PTPRM: variants seen among roughly 807,000 people sequenced by gnomAD.
PTPRM encodes the protein receptor-type tyrosine-protein phosphatase mu.
In PTPRM, 47 loss-of-function variants were observed where a neutral mutation model predicts 186.7. The ratio of observed to expected loss-of-function variants is 0.25; its 90% CI spans 0.20 to 0.32. PTPRM has a LOEUF of 0.32. PTPRM is among the 10% of genes least tolerant of loss of function. The probability of loss-of-function intolerance (pLI) is 1.00; values close to 1 mark genes in which losing one functional copy is unlikely to be tolerated. For synonymous variants in PTPRM, 668 were observed against 674.9 expected (o/e 0.99, Z 0.16); for missense variants, 1,494 against 1,865.0 (o/e 0.80, Z 3.66).
chr18:8,345,781 G>T (rs1326855354), intron 23 of PTPRM, among the ~76,000 whole-genome samples: 1 of 151,888 alleles, frequency 6.6e-6, no homozygotes, highest in Non-Finnish European at 1.5e-5. Flanking sequence ...ATCAAAACCA[G>T]ACAAGACTAC....
intron 14 of PTPRM, among the ~76,000 whole-genome samples, chr18:8,179,243 CA>C (rs1840151475): frequency 6.6e-6 from 1 of 152,148 alleles, no homozygotes; most frequent in Non-Finnish European, 1.5e-5. Flanking sequence ...TAAGAATACA[CA>C]AAAATAGTTT....
chr18:7,678,929 A>C (rs2144554580), intron 1 of PTPRM, among the ~76,000 whole-genome samples: 1 of 152,302 alleles, frequency 6.6e-6, no homozygotes, highest in South Asian at 2.1e-4. Flanking sequence ...TTCTGAGTCA[A>C]AGTGAATGTG....
At chr18:8,133,662 GA>G (rs2092568725) in intron 13 of PTPRM, among the ~76,000 whole-genome samples, 1 of 152,062 alleles carries the variant, frequency 6.6e-6, no homozygotes, top group African/African-American at 2.4e-5. Flanking sequence ...AAGGCCTTGG[GA>G]AGGGAAATAT....
At chr18:7,623,785 C>T (rs2144000633) in intron 1 of PTPRM, among the ~76,000 whole-genome samples, 1 of 152,108 alleles carries the variant, frequency 6.6e-6, no homozygotes, top group South Asian at 2.1e-4. Context: ...CTTTACTTAC[C>T]CCCAGAACAA....
At chr18:7,915,289 G>T (rs1044446035) in intron 4 of PTPRM, among the ~76,000 whole-genome samples, 1 of 152,150 alleles carries the variant, frequency 6.6e-6, no homozygotes, top group Non-Finnish European at 1.5e-5. Flanking sequence ...GGTTTTAGAA[G>T]AAAGCTGGCA....
chr18:8,257,327 G>A lies in PTPRM; in HGVS notation c.2754+3913G>A, dbSNP rs149224369. On this transcript the variant is annotated intron_variant, in intron 19 of 32. Coordinates refer to ENST00000580170, the MANE Select transcript of PTPRM (RefSeq NM_001105244.2). ...GGTCTGTGGGATGAGGGTGGTCAGG[G>A]CTCCAATCACCAAAAGCACCTCCTG... Among the ~76,000 whole-genome samples the A allele has an allele frequency of 7.9e-5, 12 of 152,248 alleles. No homozygotes were observed. In the East Asian group the frequency reaches 2.3e-3, roughly 29 times the overall value.
At chr18:7,965,926 C>T (rs1402838966) in intron 7 of PTPRM, among the ~76,000 whole-genome samples, 1 of 152,160 alleles carries the variant, frequency 6.6e-6, no homozygotes, top group African/African-American at 2.4e-5. Context: ...CCAACTTCAT[C>T]TGTAAGGATA....
intron 5 of PTPRM, among the ~76,000 whole-genome samples, chr18:7,935,934 G>A (rs1422402689): frequency 6.6e-6 from 1 of 152,192 alleles, no homozygotes; most frequent in African/African-American, 2.4e-5. Flanking sequence ...CTAATCTTAA[G>A]GTCTGCTTCC....
At chr18:7,769,227 A>G (rs577244330) in intron 1 of PTPRM, among the ~76,000 whole-genome samples, 1 of 152,168 alleles carries the variant, frequency 6.6e-6, no homozygotes, top group South Asian at 2.1e-4. Context: ...GGGAGATACT[A>G]TCCTGTAGTG....
chr18:8,314,933 T>TA, intron 21 of PTPRM, 76 bp downstream of exon 21: 6 of 897,586 alleles, frequency 6.7e-6, no homozygotes, highest in Non-Finnish European at 8.6e-6. Flanking sequence ...TTTTGATACA[T>TA]GTATACAATG....
chr18:8,248,504 T>C lies in PTPRM; in HGVS notation c.2554+328T>C, dbSNP rs141142214. 1.6e-3 allele frequency among the ~76,000 whole-genome samples: 246 copies of C among 152,324 alleles called. 2 individuals are homozygous for C. Among genetic ancestry groups the C allele is most frequent in the African/African-American group, 5.7e-3 (238 of 41,566 alleles). ...GGGGAAAAAAACAAGGTGTCATCAC[T>C]CAGCTGTGTACTTTCCAAGAGCTGA... On this transcript the variant is annotated intron_variant, in intron 17 of 32. Coordinates refer to ENST00000580170, the MANE Select transcript of PTPRM (RefSeq NM_001105244.2).
At chr18:8,272,209 A>T (rs1366446970) in intron 19 of PTPRM, among the ~76,000 whole-genome samples, 3 of 117,828 alleles carry the variant, frequency 2.5e-5, no homozygotes, top group African/African-American at 6.3e-5. Flanking sequence ...CTGCCTCAAT[A>T]AAAAAAAAAA....
intron 23 of PTPRM, among the ~76,000 whole-genome samples, chr18:8,363,953 C>T (rs771625946): frequency 3.3e-5 from 5 of 152,052 alleles, no homozygotes; most frequent in East Asian, 1.9e-4. Context: ...ACAACATTAA[C>T]GAATAGATGC....
At chr18:7,737,361 C>T (rs961079415) in intron 1 of PTPRM, among the ~76,000 whole-genome samples, 17 of 152,192 alleles carry the variant, frequency 1.1e-4, no homozygotes, top group African/African-American at 4.1e-4. Context: ...TCCCAAAGTG[C>T]TGGGATTACA....
chr18:8,282,699 T>C (rs959234636), intron 19 of PTPRM, among the ~76,000 whole-genome samples: 7 of 152,090 alleles, frequency 4.6e-5, no homozygotes, highest in Admixed American at 6.5e-5. Context: ...ACAACAGATT[T>C]ACTACATGAC....
chr18:7,979,297 A>G (rs1409855036), intron 7 of PTPRM, among the ~76,000 whole-genome samples: 4 of 152,218 alleles, frequency 2.6e-5, no homozygotes, highest in Non-Finnish European at 5.9e-5. Context: ...TTCCAAAGAC[A>G]TCAACAATAT....
intron 1 of PTPRM, among the ~76,000 whole-genome samples, chr18:7,611,566 C>G (rs1468902092): frequency 6.6e-6 from 1 of 152,210 alleles, no homozygotes; most frequent in African/African-American, 2.4e-5. Flanking sequence ...ATAGGCCATA[C>G]CAGCCTAGGG....
chr18:8,337,582 G>T (rs1458505863), intron 22 of PTPRM, among the ~76,000 whole-genome samples: 1 of 152,204 alleles, frequency 6.6e-6, no homozygotes, highest in Non-Finnish European at 1.5e-5. Context: ...TAGGCATGAG[G>T]CCACGTTAGG....
At chr18:7,674,773 A>C (rs545287366) in intron 1 of PTPRM, among the ~76,000 whole-genome samples, 72 of 152,336 alleles carry the variant, frequency 4.7e-4, no homozygotes, top group African/African-American at 1.5e-3. Flanking sequence ...AAATAAAATC[A>C]ATTAGTTAAT....
Sources: allele counts gnomAD v4.1 joint callset (sites outside exome capture counted in the v4.1 genomes callset), GRCh38; gene constraint gnomAD v4.1.1; transcripts MANE v1.5; gene names NCBI Gene and HGNC (gene_info 2026-07-23, HGNC 2026-07-21).